CLDN10: variants seen among roughly 807,000 people sequenced by gnomAD.
CLDN10 encodes claudin 10.
In CLDN10, 15 loss-of-function variants were observed where a neutral mutation model predicts 22.9. That is an observed-to-expected ratio of 0.65 (90% CI 0.44 to 1.01). The LOEUF is 1.01. Among genes scored for constraint, CLDN10 ranks in the 50% least tolerant of loss-of-function variants. CLDN10 has a pLI of 0.00. For synonymous variants in CLDN10, 114 were observed against 111.4 expected (o/e 1.02, Z -0.15); for missense variants, 247 against 287.8 (o/e 0.86, Z 1.03).
At chr13:95,434,070 G>C (rs2042239301) in intron 1 of CLDN10, 1 of 1,600,528 alleles carries the variant, frequency 6.2e-7, no homozygotes. Flanking sequence ...GCTTTGTTTG[G>C]GGTGGAGGTA....
chr13:95,446,607 C>CA (rs1272143699), intron 1 of CLDN10, among the ~76,000 whole-genome samples: 1 of 152,162 alleles, frequency 6.6e-6, no homozygotes, highest in African/African-American at 2.4e-5. Flanking sequence ...TTTGGGAGGC[C>CA]AAGGCGGGAG....
At chr13:95,518,642 C>T (rs1484530486) in intron 1 of CLDN10, among the ~76,000 whole-genome samples, 1 of 152,080 alleles carries the variant, frequency 6.6e-6, no homozygotes, top group African/African-American at 2.4e-5. Context: ...GCCTGTAATT[C>T]CAGCTATTCA....
intron 1 of CLDN10, among the ~76,000 whole-genome samples, chr13:95,450,544 T>C (rs1171253934): frequency 6.6e-6 from 1 of 152,240 alleles, no homozygotes; most frequent in Non-Finnish European, 1.5e-5. Flanking sequence ...TTGAATTCCA[T>C]GTTCTTTGCC....
At chr13:95,577,156 G>C in intron 3 of CLDN10, 75 bp from the exon 4 acceptor site, 1 of 921,120 alleles carries the variant, frequency 1.1e-6, no homozygotes, top group Non-Finnish European at 1.7e-6. Flanking sequence ...TTTAGTAAAT[G>C]TTGACTATCA....
intron 3 of CLDN10, among the ~76,000 whole-genome samples, chr13:95,563,210 G>A (rs1328248577): frequency 1.3e-5 from 1 of 78,338 alleles, no homozygotes; most frequent in Non-Finnish European, 3.5e-5. Flanking sequence ...GTTAAGAGAG[G>A]AGAGAGAGAG....
intron 1 of CLDN10, among the ~76,000 whole-genome samples, chr13:95,439,924 T>TA (rs1442444554): frequency 6.6e-6 from 1 of 151,906 alleles, no homozygotes; most frequent in Non-Finnish European, 1.5e-5. Flanking sequence ...TAACCCTTTT[T>TA]TTTTTTTGAG....
Position 95,488,016 on chromosome 13 carries a change from C to G in CLDN10, c.214+53969C>G, listed in dbSNP as rs147002460. On this transcript the variant is annotated intron_variant, in intron 1 of 4. Transcript: ENST00000376873. ...TTTCTCTTTTTTTGAGATGGAGTCTCGCTCTGTCACCCAGGCTGGAGTGCA... is the reference window on the plus strand; with the variant it reads ...TTTCTCTTTTTTTGAGATGGAGTCTGGCTCTGTCACCCAGGCTGGAGTGCA... 4.5e-3 allele frequency among the ~76,000 whole-genome samples: 673 copies of G among 150,860 alleles called. 7 individuals are homozygous for G. The highest frequency in any genetic ancestry group is 0.016 in the African/African-American group (646 of 40,942).
chr13:95,443,956 G>A (rs1448669118), intron 1 of CLDN10, among the ~76,000 whole-genome samples: 1 of 152,164 alleles, frequency 6.6e-6, no homozygotes, highest in Non-Finnish European at 1.5e-5. Flanking sequence ...CAGAGCCCTT[G>A]GTGGTGTTTG....
intron 1 of CLDN10, among the ~76,000 whole-genome samples, chr13:95,436,122 T>A (rs1191266973): frequency 6.6e-6 from 1 of 152,192 alleles, no homozygotes; most frequent in Admixed American, 6.5e-5. Context: ...CCCAAACACA[T>A]CATCACAGAG....
chr13:95,489,930 C>T (rs1487058582), intron 1 of CLDN10, among the ~76,000 whole-genome samples: 1 of 152,184 alleles, frequency 6.6e-6, no homozygotes, highest in Non-Finnish European at 1.5e-5. Context: ...CATTTTCCTA[C>T]ATGTGGCTAG....
At chr13:95,562,358 C>G (rs1233641642) in intron 3 of CLDN10, among the ~76,000 whole-genome samples, 6 of 152,184 alleles carry the variant, frequency 3.9e-5, no homozygotes, top group African/African-American at 1.4e-4. Context: ...CAGGCATAAG[C>G]CACCATGCCC....
intron 1 of CLDN10, among the ~76,000 whole-genome samples, 197 bp downstream of exon 1, chr13:95,553,170 G>A (rs903472159): frequency 6.6e-6 from 1 of 152,188 alleles, no homozygotes; most frequent in South Asian, 2.1e-4. Flanking sequence ...GTCTCGCGGG[G>A]CGCCTGTTCG....
intron 1 of CLDN10, among the ~76,000 whole-genome samples, chr13:95,464,029 C>T (rs1330784975): frequency 6.6e-6 from 1 of 151,806 alleles, no homozygotes; most frequent in Non-Finnish European, 1.5e-5. Flanking sequence ...ATGAAGCTGT[C>T]TAATCTAACA....
At chr13:95,467,345 A>T (rs1212415386) in intron 1 of CLDN10, among the ~76,000 whole-genome samples, 1 of 152,218 alleles carries the variant, frequency 6.6e-6, no homozygotes, top group African/African-American at 2.4e-5. Flanking sequence ...AAAATCAACA[A>T]TATTTCCATA....
intron 1 of CLDN10, among the ~76,000 whole-genome samples, chr13:95,442,971 G>A (rs1170646474): frequency 6.6e-6 from 1 of 152,222 alleles, no homozygotes; most frequent in African/African-American, 2.4e-5. Context: ...TAACCATGTA[G>A]CATAAGGTCA....
chr13:95,540,636 G>T (rs2043450440), intron 1 of CLDN10, among the ~76,000 whole-genome samples: 1 of 152,176 alleles, frequency 6.6e-6, no homozygotes, highest in Admixed American at 6.5e-5. Context: ...AAACAAAATT[G>T]CATGCTAGTT....
intron 3 of CLDN10, among the ~76,000 whole-genome samples, chr13:95,564,539 C>T (rs1234021076): frequency 6.6e-6 from 1 of 152,170 alleles, no homozygotes; most frequent in Non-Finnish European, 1.5e-5. Context: ...AGAGTTTAGA[C>T]CTCAGAGCAT....
At chr13:95,514,213 T>G (rs2043137397) in intron 1 of CLDN10, among the ~76,000 whole-genome samples, 1 of 152,142 alleles carries the variant, frequency 6.6e-6, no homozygotes, top group Non-Finnish European at 1.5e-5. Context: ...GAGCTGTGAT[T>G]ACACCACTGC....
At chr13:95,482,411 T>C (rs927063910) in intron 1 of CLDN10, among the ~76,000 whole-genome samples, 1 of 152,160 alleles carries the variant, frequency 6.6e-6, no homozygotes, top group Non-Finnish European at 1.5e-5. Flanking sequence ...GCTGTGCTGA[T>C]CTACAAAGCC....
Sources: gnomAD v4.1 joint callset for allele counts (sites outside exome capture counted in the v4.1 genomes callset) on GRCh38, gnomAD v4.1.1 for gene constraint, MANE v1.5 for transcripts, NCBI Gene and HGNC (gene_info 2026-07-23, HGNC 2026-07-21) for gene names.